The following PLXNA4 variants were observed in gnomAD, a reference collection of about 807,000 sequenced individuals.
PLXNA4 encodes plexin-A4.
PLXNA4 carries 44 observed loss-of-function variants against 191.8 expected under a neutral mutation model. The observed-to-expected ratio is 0.23, with a 90% CI of 0.18 to 0.29. PLXNA4 has a LOEUF of 0.29. Ranked by LOEUF, PLXNA4 falls within the 10% of genes least tolerant of loss-of-function variation. The pLI, the probability that PLXNA4 is intolerant of heterozygous loss-of-function variation, is 1.00. For missense variants in PLXNA4, 1,800 were observed against 2,488.8 expected, an observed-to-expected ratio of 0.72 and a Z score of 5.89; for synonymous variants, 1,082 against 1,009.5, an observed-to-expected ratio of 1.07 and a Z score of -1.36.
chr7:132,410,765 C>T (rs1026858591), intron 3 of PLXNA4, among the ~76,000 whole-genome samples: 1 of 152,200 alleles, frequency 6.6e-6, no homozygotes, highest in African/African-American at 2.4e-5. Flanking sequence ...TCATCTCCAT[C>T]AGGAGGTGTG....
intron 3 of PLXNA4, among the ~76,000 whole-genome samples, chr7:132,342,309 G>A (rs1428187203): frequency 6.6e-6 from 1 of 150,592 alleles, no homozygotes; most frequent in African/African-American, 2.4e-5. Context: ...ATAATAACAA[G>A]AGAATTCACT....
At chr7:132,466,591 T>C (rs547998991) in intron 3 of PLXNA4, among the ~76,000 whole-genome samples, 5 of 152,284 alleles carry the variant, frequency 3.3e-5, no homozygotes, top group African/African-American at 9.6e-5. Context: ...CTGAGCCCCA[T>C]TGGGTCCAGC....
chr7:132,561,312 C>T (rs1801032541), intron 1 of PLXNA4, among the ~76,000 whole-genome samples: 1 of 149,346 alleles, frequency 6.7e-6, no homozygotes, highest in South Asian at 2.1e-4. Context: ...CCTCTTTCTC[C>T]TTCTTCTCCT....
At chr7:132,522,506 C>A (rs1250912036) in intron 1 of PLXNA4, among the ~76,000 whole-genome samples, 1 of 152,198 alleles carries the variant, frequency 6.6e-6, no homozygotes, top group African/African-American at 2.4e-5. Flanking sequence ...TGTTGACTCA[C>A]GCCTGTAATC....
intron 4 of PLXNA4, among the ~76,000 whole-genome samples, chr7:132,268,164 T>C (rs1329002609): frequency 3.3e-5 from 5 of 152,170 alleles, no homozygotes; most frequent in Non-Finnish European, 7.4e-5. Context: ...CTAGTGCCAC[T>C]CCATGGTTTG....
chr7:132,351,476 C>T (rs1803482767), intron 3 of PLXNA4, among the ~76,000 whole-genome samples: 1 of 152,218 alleles, frequency 6.6e-6, no homozygotes, highest in African/African-American at 2.4e-5. Context: ...GCCACCCCGT[C>T]ATCTCTAGCA....
intron 13 of PLXNA4, 105 bp from the exon 14 acceptor site, chr7:132,194,284 G>T: frequency 6.8e-7 from 1 of 1,461,796 alleles, no homozygotes; most frequent in Non-Finnish European, 9.2e-7. Flanking sequence ...AGGATCTCAG[G>T]GATGGCCAGG....
intron 10 of PLXNA4, among the ~76,000 whole-genome samples, chr7:132,210,660 G>GGCTGGTCCAATATCCCTTCTAATC (rs1357938349): frequency 1.3e-5 from 2 of 152,282 alleles, no homozygotes; most frequent in African/African-American, 4.8e-5. Flanking sequence ...ACAGCTCCAC[G>GGCTGGTCCAATATCCCTTCTAATC]GCTGGTCCAA....
At chr7:132,261,031 TA>T (rs947755416) in intron 4 of PLXNA4, among the ~76,000 whole-genome samples, 2 of 152,200 alleles carry the variant, frequency 1.3e-5, no homozygotes, top group Admixed American at 6.5e-5. Flanking sequence ...AAAACTGCTC[TA>T]AAAAATAGTC....
intron 3 of PLXNA4, among the ~76,000 whole-genome samples, chr7:132,363,575 T>C (rs976858786): frequency 3.9e-5 from 6 of 152,224 alleles, no homozygotes; most frequent in African/African-American, 1.2e-4. Flanking sequence ...ATAGACCACA[T>C]TTATTTATCC....
At chr7:132,513,255 T>C (rs1798799790) in intron 1 of PLXNA4, among the ~76,000 whole-genome samples, 1 of 152,242 alleles carries the variant, frequency 6.6e-6, no homozygotes, top group South Asian at 2.1e-4. Flanking sequence ...AAAGTTATTA[T>C]AGAGTCGTTT....
chr7:132,512,576 A>T (rs1280354661), intron 1 of PLXNA4, among the ~76,000 whole-genome samples: 1 of 152,196 alleles, frequency 6.6e-6, no homozygotes, highest in Non-Finnish European at 1.5e-5. Context: ...GAAACAAATA[A>T]GAGAGAAATG....
At chr7:132,615,672 AG>A (rs1279307869) in intron 2 of PLXNA4, among the ~76,000 whole-genome samples, 1 of 152,150 alleles carries the variant, frequency 6.6e-6, no homozygotes, top group East Asian at 1.9e-4. Flanking sequence ...TGGAGTGAGC[AG>A]GGAAGTGACG....
chr7:132,178,856 A>ACT (rs1796579954), intron 20 of PLXNA4, among the ~76,000 whole-genome samples: 1 of 136,558 alleles, frequency 7.3e-6, no homozygotes, highest in South Asian at 2.4e-4. Flanking sequence ...ACACACACAC[A>ACT]CACACACACA....
chr7:132,215,325 G>A (rs1164041599), intron 9 of PLXNA4, among the ~76,000 whole-genome samples: 1 of 152,240 alleles, frequency 6.6e-6, no homozygotes, highest in Non-Finnish European at 1.5e-5. Flanking sequence ...TTGGCCTTGG[G>A]CAAGCCCCTC....
At chr7:132,579,034 A>G (rs1271934644), upstream of PLXNA4, among the ~76,000 whole-genome samples, 1 of 152,160 alleles carries the variant, frequency 6.6e-6, no homozygotes, top group Non-Finnish European at 1.5e-5. Context: ...TGGGATTAGC[A>G]CAAGGCCAGC....
intron 4 of PLXNA4, among the ~76,000 whole-genome samples, chr7:132,255,644 C>A (rs542741370): frequency 3.3e-5 from 5 of 152,296 alleles, no homozygotes; most frequent in African/African-American, 1.2e-4. Flanking sequence ...GATGGGATCT[C>A]ACAGTCTTAT....
At chr7:132,561,638 CTTCTCCTCCTCTTCCTCCTTTTCCTCA>C (rs1801090268) in intron 1 of PLXNA4, among the ~76,000 whole-genome samples, 2 of 129,850 alleles carry the variant, frequency 1.5e-5, no homozygotes, top group Non-Finnish European at 1.6e-5. Flanking sequence ...CCTCCTCCTC[CTTCTCCTCCTCTTCCTCCTTTTCCTCA>C]TCCTCCTCCT....
At chr7:132,253,228 T>C (rs995032627) in intron 4 of PLXNA4, among the ~76,000 whole-genome samples, 28 of 105,440 alleles carry the variant, frequency 2.7e-4, no homozygotes, top group Non-Finnish European at 4.8e-4. Context: ...AATTTTTCTT[T>C]TTTCTTTTTT....
Sources: allele counts gnomAD v4.1 joint callset (sites outside exome capture counted in the v4.1 genomes callset), GRCh38; gene constraint gnomAD v4.1.1; transcripts MANE v1.5; gene names NCBI Gene and HGNC (gene_info 2026-07-23, HGNC 2026-07-21).